Variants in TAF3 observed in about 807,000 individuals in gnomAD.
TAF3 encodes TATA-box binding protein associated factor 3, also known as transcription initiation factor TFIID subunit 3.
TAF3 carries 7 observed loss-of-function variants against 80.6 expected under a neutral mutation model. The observed-to-expected ratio is 0.09, with a 90% confidence interval of 0.05 to 0.16. The LOEUF is 0.16. Among genes scored for constraint, TAF3 ranks in the 10% least tolerant of loss-of-function variants. TAF3 has a pLI of 1.00. For synonymous variants in TAF3, 444 were observed against 446.1 expected (o/e 1.00, Z 0.06); for missense variants, 921 against 1,140.2 (o/e 0.81, Z 2.77).
intron 2 of TAF3, among the ~76,000 whole-genome samples, chr10:7,873,129 T>A (rs1354750106): frequency 1.3e-5 from 2 of 152,216 alleles, no homozygotes; most frequent in Non-Finnish European, 2.9e-5. Flanking sequence ...TTTCATTCTG[T>A]GCTTTAATAT....
rs1837190957 is a variant in TAF3 at position 7,864,576 on chromosome 10, G to A, written c.409+40016G>A. Among the ~76,000 whole-genome samples the A allele has an allele frequency of 2.0e-5, 3 of 152,152 alleles. No individual in the cohort carries two copies. In the South Asian group the frequency reaches 6.2e-4, roughly 32 times the overall value. Reference sequence around the variant, plus strand: ...GTAATAATGTGTCCTTCATGTACAGGTTTCTGTGTAGACTCGTGTTTTCAT... The same window carrying A: ...GTAATAATGTGTCCTTCATGTACAGATTTCTGTGTAGACTCGTGTTTTCAT... On this transcript the variant is annotated intron_variant, in intron 2 of 6. Transcript: ENST00000344293.
chr10:7,888,594 C>T (rs1170882191), intron 2 of TAF3, among the ~76,000 whole-genome samples: 1 of 152,182 alleles, frequency 6.6e-6, no homozygotes, highest in African/African-American at 2.4e-5. Flanking sequence ...TGATGTGTAA[C>T]AGTTTATCCA....
At chr10:8,003,222 T>C (rs570685263) in intron 4 of TAF3, among the ~76,000 whole-genome samples, 3 of 152,128 alleles carry the variant, frequency 2.0e-5, no homozygotes, top group Non-Finnish European at 2.9e-5. Flanking sequence ...CTCTCTCTTT[T>C]CTTTTATCAG....
intron 2 of TAF3, among the ~76,000 whole-genome samples, chr10:7,859,306 A>G (rs1564349760): frequency 7.4e-6 from 1 of 135,102 alleles, no homozygotes; most frequent in Non-Finnish European, 1.6e-5. Flanking sequence ...AAATAAATAA[A>G]TAAATAAATA....
intron 4 of TAF3, among the ~76,000 whole-genome samples, chr10:7,991,411 A>G (rs1441516894): frequency 6.6e-6 from 1 of 152,134 alleles, no homozygotes; most frequent in Non-Finnish European, 1.5e-5. Flanking sequence ...AAAACACATT[A>G]TTTTATTTCA....
intron 4 of TAF3, among the ~76,000 whole-genome samples, chr10:7,993,534 A>T (rs1831854532): frequency 6.6e-6 from 1 of 152,216 alleles, no homozygotes; most frequent in African/African-American, 2.4e-5. Context: ...TTTGTTCAGC[A>T]GAATATCTCA....
chr10:7,912,884 G>C (rs1488032947), intron 2 of TAF3, among the ~76,000 whole-genome samples: 1 of 152,090 alleles, frequency 6.6e-6, no homozygotes, highest in Non-Finnish European at 1.5e-5. Context: ...ACCTTCACCT[G>C]TTAGGTTTTT....
At chr10:7,962,670 A>G (rs932284958) in intron 2 of TAF3, among the ~76,000 whole-genome samples, 1 of 152,146 alleles carries the variant, frequency 6.6e-6, no homozygotes, top group Non-Finnish European at 1.5e-5. Flanking sequence ...GTCTCCAACT[A>G]TCCCAAACGC....
chr10:7,979,708 A>G (rs752404028), intron 4 of TAF3, among the ~76,000 whole-genome samples: 5 of 152,142 alleles, frequency 3.3e-5, no homozygotes, highest in Non-Finnish European at 7.4e-5. Context: ...GAAGTGAAAT[A>G]GATTACATTT....
At chr10:7,849,086 A>T (rs919465035) in intron 2 of TAF3, among the ~76,000 whole-genome samples, 1 of 152,216 alleles carries the variant, frequency 6.6e-6, no homozygotes, top group Non-Finnish European at 1.5e-5. Flanking sequence ...AACCGCAACA[A>T]CACTTACATG....
At chr10:7,917,716 G>T (rs535091038) in intron 2 of TAF3, among the ~76,000 whole-genome samples, 7 of 152,354 alleles carry the variant, frequency 4.6e-5, no homozygotes, top group African/African-American at 1.7e-4. Context: ...CTAACAAGCA[G>T]TTGTGCTACT....
At chr10:7,886,929 T>G (rs1837413507) in intron 2 of TAF3, among the ~76,000 whole-genome samples, 2 of 152,094 alleles carry the variant, frequency 1.3e-5, no homozygotes, top group African/African-American at 4.8e-5. Flanking sequence ...TCTTTTATAT[T>G]TAAGTGATAA....
At chr10:7,979,278 A>G (rs1831701689) in intron 4 of TAF3, among the ~76,000 whole-genome samples, 1 of 148,178 alleles carries the variant, frequency 6.7e-6, no homozygotes, top group Admixed American at 6.8e-5. Flanking sequence ...TGGGAGGCGG[A>G]GCTTTCTGTG....
chr10:7,901,439 A>G lies in TAF3; in HGVS notation c.410-62481A>G, dbSNP rs79365035. The stretch of plus-strand genomic sequence containing the variant: ...TTCTACTCTTTCTGGCAAACATTCA[A>G]TTAACTTTTTAGTGCTTGCTATTTA... On this transcript the variant is annotated intron_variant, in intron 2 of 6. Coordinates refer to ENST00000344293, the MANE Select transcript of TAF3 (RefSeq NM_031923.4). Among the ~76,000 whole-genome samples the G allele has an allele frequency of 7.7e-4, 117 of 152,354 alleles. No individual in the cohort carries two copies. In the East Asian group the frequency reaches 0.021, roughly 27 times the overall value.
At chr10:7,969,328 A>G (rs1317104283) in intron 3 of TAF3, among the ~76,000 whole-genome samples, 1 of 152,144 alleles carries the variant, frequency 6.6e-6, no homozygotes, top group African/African-American at 2.4e-5. Flanking sequence ...CACTTATATT[A>G]TCCAATTGCA....
chr10:7,906,993 A>T (rs1377202032), intron 2 of TAF3, among the ~76,000 whole-genome samples: 1 of 151,962 alleles, frequency 6.6e-6, no homozygotes, highest in Non-Finnish European at 1.5e-5. Context: ...CTAACCCCTT[A>T]CTTTCTCCCA....
At chr10:7,935,747 C>A (rs531558627) in intron 2 of TAF3, among the ~76,000 whole-genome samples, 1 of 152,108 alleles carries the variant, frequency 6.6e-6, no homozygotes, top group African/African-American at 2.4e-5. Flanking sequence ...ACTGGGGAAG[C>A]ACATTCCAAA....
intron 1 of TAF3, among the ~76,000 whole-genome samples, chr10:7,823,920 C>T (rs935751534): frequency 1.1e-4 from 16 of 150,204 alleles, no homozygotes; most frequent in African/African-American, 3.9e-4. Context: ...CGTGAGCCAT[C>T]GCGCCCAGCT....
At position 8,014,729 on chromosome 10, in the gene TAF3, A is replaced by G; in HGVS notation, c.2768A>G (p.Lys923Arg). 1 of 1,604,688 alleles carries G rather than the reference A, an allele frequency of 6.2e-7. No homozygotes were observed. Among genetic ancestry groups the G allele is most frequent in the Non-Finnish European group, 8.5e-7 (1 of 1,175,320 alleles). ...AAGAAGAAGGACAAAAAGCACAAGA[A>G]GAGGAAGCATCGAGCCCACTGACGA... ...ANKKKDKKHK[K>R]RKHRAH is the part of the protein sequence containing the mutation. Residue 923 changes from lysine (K) to arginine (R), a missense_variant, in exon 7 of 7, where the codon AAG becomes AGG. Around this residue, in one of 6 missense-constraint regions of TAF3, gnomAD observed 29 missense variants for 20.3 expected, o/e 1.43. Transcript: ENST00000344293.
Sources: gnomAD v4.1 joint callset for allele counts (sites outside exome capture counted in the v4.1 genomes callset) on GRCh38, gnomAD v4.1.1 for gene constraint, gnomAD v4.1.1 regional missense constraint, MANE v1.5 for transcripts, NCBI Gene and HGNC (gene_info 2026-07-23, HGNC 2026-07-21) for gene names.